DAB1: variants seen among roughly 807,000 people sequenced by gnomAD.
DAB1 encodes DAB adaptor protein 1, also known as disabled homolog 1.
In DAB1, 15 loss-of-function variants were observed where a neutral mutation model predicts 64.6. That is an observed-to-expected ratio of 0.23 (90% CI 0.16 to 0.36). The LOEUF is 0.36. Among genes scored for constraint, DAB1 ranks in the 10% least tolerant of loss-of-function variants. DAB1 has a pLI of 1.00. For missense variants in DAB1, 596 were observed against 706.7 expected, an observed-to-expected ratio of 0.84 and a Z score of 1.78; for synonymous variants, 235 against 251.9, an observed-to-expected ratio of 0.93 and a Z score of 0.64.
intron 1 of DAB1, among the ~76,000 whole-genome samples, chr1:57,831,528 T>C (rs1435144710): frequency 6.7e-6 from 1 of 149,176 alleles, no homozygotes; most frequent in Non-Finnish European, 1.5e-5. Flanking sequence ...TACATATTTA[T>C]TTTCTTCTCT....
intron 7 of DAB1, among the ~76,000 whole-genome samples, chr1:57,631,138 T>C (rs1645984463): frequency 6.6e-6 from 1 of 152,166 alleles, no homozygotes. Context: ...GCAGGAAACA[T>C]AGCTCCTTCT....
intron 3 of DAB1, among the ~76,000 whole-genome samples, chr1:57,142,995 A>T (rs1204391886): frequency 6.6e-6 from 1 of 152,186 alleles, no homozygotes; most frequent in Non-Finnish European, 1.5e-5. Flanking sequence ...CTTGGCCCTT[A>T]TCCCCATCTT....
At chr1:57,077,001 G>T (rs1431843221) in intron 4 of DAB1, among the ~76,000 whole-genome samples, 1 of 152,162 alleles carries the variant, frequency 6.6e-6, no homozygotes, top group East Asian at 1.9e-4. Flanking sequence ...GGTAGGCAAA[G>T]AAACTAGCAA....
At chr1:58,168,773 CT>C (rs530084758) in intron 4 of DAB1, among the ~76,000 whole-genome samples, 79 of 152,230 alleles carry the variant, frequency 5.2e-4, no homozygotes, top group African/African-American at 1.9e-3. Context: ...CTGGAGATCC[CT>C]TCTCTCCCTC....
At chr1:58,057,394 G>T (rs940701393) in intron 5 of DAB1, among the ~76,000 whole-genome samples, 7 of 152,134 alleles carry the variant, frequency 4.6e-5, no homozygotes, top group Admixed American at 4.6e-4. Flanking sequence ...TAGTTAAAAC[G>T]AGGCCATACT....
chr1:58,445,105 G>A (rs1403125529), intron 3 of DAB1, among the ~76,000 whole-genome samples: 1 of 152,086 alleles, frequency 6.6e-6, no homozygotes, highest in Non-Finnish European at 1.5e-5. Flanking sequence ...TTGGTCCTGG[G>A]CAAACAATGA....
chr1:57,887,681 C>T (rs765029581), upstream of DAB1, among the ~76,000 whole-genome samples: 1 of 152,118 alleles, frequency 6.6e-6, no homozygotes, highest in Non-Finnish European at 1.5e-5. Flanking sequence ...ACTCTGTTTG[C>T]TGCTCAGATA....
intron 3 of DAB1, among the ~76,000 whole-genome samples, chr1:58,451,221 A>G (rs1645132660): frequency 1.3e-5 from 2 of 152,116 alleles, no homozygotes; most frequent in Non-Finnish European, 2.9e-5. Flanking sequence ...TCCCAAGTAG[A>G]GGGGACGGTA....
Position 57,889,908 on chromosome 1 carries a change from G to GTGGC in DAB1, n.388-5747_388-5746insGCCA, listed in dbSNP as rs796260508. ...GTAGCACAAACTGGGGCGGGGGGGG[G>GTGGC]GGAGGGGGAAGAAATCACTGGAGTA... On this transcript the variant is annotated intron_variant and non_coding_transcript_variant, in intron 5 of 20. Coordinates refer to the DAB1 transcript ENST00000485760. 1.9e-4 allele frequency among the ~76,000 whole-genome samples: 17 copies of GTGGC among 90,458 alleles called. 1 individual carries two copies. Among genetic ancestry groups the GTGGC allele is most frequent in the African/African-American group, 6.4e-4 (17 of 26,752 alleles). The allele number at this position is 90,458 out of a possible 152,430, so 59.3% of individuals were successfully genotyped here.
At chr1:58,028,707 T>C (rs1407170726) in intron 5 of DAB1, among the ~76,000 whole-genome samples, 1 of 152,190 alleles carries the variant, frequency 6.6e-6, no homozygotes, top group African/African-American at 2.4e-5. Context: ...AAAAGCACTA[T>C]GAGTACTGAT....
chr1:58,372,664 A>C lies in DAB1; in HGVS notation n.258-29261T>G, dbSNP rs1260433194. 3.9e-5 allele frequency among the ~76,000 whole-genome samples: 6 copies of C among 152,208 alleles called. No homozygotes were observed. In the East Asian group the frequency reaches 1.2e-3, roughly 29 times the overall value. On this transcript the variant is annotated intron_variant and non_coding_transcript_variant, in intron 3 of 20. Coordinates refer to the DAB1 transcript ENST00000485760. ...ATCTTGAATTATAATCCAAATTGTAATCCCCACATGCCGAGGGAGGAACCT... is the reference window on the plus strand; with the variant it reads ...ATCTTGAATTATAATCCAAATTGTACTCCCCACATGCCGAGGGAGGAACCT...
At chr1:58,014,120 T>A (rs1646706851) in intron 5 of DAB1, among the ~76,000 whole-genome samples, 1 of 152,116 alleles carries the variant, frequency 6.6e-6, no homozygotes, top group Admixed American at 6.6e-5. Flanking sequence ...AAGTGGAAAA[T>A]AAAGCTCAGA....
At chr1:58,439,185 C>T (rs1644980507) in intron 3 of DAB1, among the ~76,000 whole-genome samples, 1 of 145,720 alleles carries the variant, frequency 6.9e-6, no homozygotes, top group Admixed American at 7.4e-5. Context: ...CAGGATATTT[C>T]CTTTGTCTGG....
intron 1 of DAB1, among the ~76,000 whole-genome samples, chr1:58,540,911 A>G (rs1000502202): frequency 5.9e-5 from 9 of 152,158 alleles, no homozygotes; most frequent in Non-Finnish European, 1.2e-4. Context: ...TCCTACACAA[A>G]AGAAACACAA....
At chr1:57,076,471 T>C (rs1200123622) in intron 4 of DAB1, among the ~76,000 whole-genome samples, 1 of 152,228 alleles carries the variant, frequency 6.6e-6, no homozygotes, top group Non-Finnish European at 1.5e-5. Context: ...CTTCTTTGCA[T>C]CATGGATAAA....
chr1:58,491,009 A>G (rs1273639822), intron 3 of DAB1, among the ~76,000 whole-genome samples: 1 of 151,398 alleles, frequency 6.6e-6, no homozygotes, highest in Non-Finnish European at 1.5e-5. Context: ...GGGTTTCACC[A>G]TGTTAGCCAG....
At position 57,633,742 on chromosome 1, in the gene DAB1, C is replaced by T. The variant is rs920225013; in HGVS notation, n.625+15850G>A. Among the ~76,000 whole-genome samples, 29 of 152,268 alleles carry T rather than the reference C, an allele frequency of 1.9e-4. 2 individuals carry two copies. Among genetic ancestry groups the T allele is most frequent in the African/African-American group, 7.0e-4 (29 of 41,542 alleles). ...GAAAAATAGATTCAATTACCCTTCTCCACTATTGAACCTAAGTGATGCCAT... is the reference window on the plus strand; with the variant it reads ...GAAAAATAGATTCAATTACCCTTCTTCACTATTGAACCTAAGTGATGCCAT... On this transcript the variant is annotated intron_variant and non_coding_transcript_variant, in intron 7 of 20. Transcript: ENST00000485760.
chr1:58,121,569 C>G (rs929733853), intron 5 of DAB1, among the ~76,000 whole-genome samples: 3 of 152,156 alleles, frequency 2.0e-5, no homozygotes, highest in Non-Finnish European at 4.4e-5. Context: ...ACACCCCTCA[C>G]TCTTTCTTAG....
Position 57,437,135 on chromosome 1 carries a change from T to A in DAB1, n.626-145969A>T, listed in dbSNP as rs928695562. On this transcript the variant is annotated intron_variant and non_coding_transcript_variant, in intron 7 of 20. Coordinates refer to the DAB1 transcript ENST00000485760. ...TTGATAGAGAAATGCAAGCTTCAGA[T>A]GGTGAAAGTGAATGGGGAAAGGGTA... Among the ~76,000 whole-genome samples the A allele has an allele frequency of 2.4e-4, 37 of 152,048 alleles. 1 individual carries two copies. Among genetic ancestry groups the A allele is most frequent in the African/African-American group, 8.9e-4 (37 of 41,468 alleles).
Sources: allele counts gnomAD v4.1 joint callset (sites outside exome capture counted in the v4.1 genomes callset), GRCh38; gene constraint gnomAD v4.1.1; transcripts MANE v1.5; gene names NCBI Gene and HGNC (gene_info 2026-07-23, HGNC 2026-07-21).